Variants in DCLK1 observed in about 807,000 individuals in gnomAD.
The protein encoded by DCLK1 is doublecortin like kinase 1.
DCLK1 carries 16 observed loss-of-function variants against 86.2 expected under a neutral mutation model. The observed-to-expected ratio is 0.19, with a 90% CI of 0.13 to 0.28. DCLK1 has a LOEUF of 0.28. Ranked by LOEUF, DCLK1 falls within the 10% of genes least tolerant of loss-of-function variation. The probability of loss-of-function intolerance (pLI) is 1.00; values close to 1 mark genes in which losing one functional copy is unlikely to be tolerated. For missense variants in DCLK1, 590 were observed against 940.2 expected (o/e 0.63, Z 4.87); for synonymous variants, 369 against 370.5 (o/e 1.00, Z 0.05).
chr13:35,846,545 T>C, intron 6 of DCLK1: 2 of 985,348 alleles, frequency 2.0e-6, no homozygotes, highest in Non-Finnish European at 2.4e-6. Context: ...TTAAAAATTA[T>C]AGTGAGGGCC....
intron 11 of DCLK1, 26 bp downstream of exon 11, chr13:35,822,703 T>C: frequency 1.9e-6 from 3 of 1,613,886 alleles, no homozygotes; most frequent in Non-Finnish European, 2.5e-6. Context: ...GAACTCAGGA[T>C]GCCCTGTAGG....
intron 5 of DCLK1, among the ~76,000 whole-genome samples, chr13:35,867,966 A>AAAGAAAGAAAGAAAGG (rs1483381630): frequency 2.2e-4 from 33 of 146,708 alleles, no homozygotes; most frequent in African/African-American, 6.4e-4. Context: ...AGAAAGAAAG[A>AAAGAAAGAAAGAAAGG]GAAAAAGAAA....
intron 3 of DCLK1, among the ~76,000 whole-genome samples, chr13:36,089,430 G>C (rs1397826324): frequency 6.6e-6 from 1 of 152,082 alleles, no homozygotes; most frequent in African/African-American, 2.4e-5. Context: ...ACATAACCTT[G>C]GTTCCAAGTT....
chr13:35,787,527 C>T (rs1033160425), intron 16 of DCLK1, among the ~76,000 whole-genome samples: 9 of 152,066 alleles, frequency 5.9e-5, no homozygotes, highest in Non-Finnish European at 1.3e-4. Flanking sequence ...AAATCGATAC[C>T]TCCCATAATC....
chr13:35,888,085 CTA>C (rs1480098739), intron 4 of DCLK1, among the ~76,000 whole-genome samples: 2 of 152,056 alleles, frequency 1.3e-5, no homozygotes, highest in Non-Finnish European at 2.9e-5. Flanking sequence ...AAGGATAATT[CTA>C]TGTGTCCTAC....
chr13:36,055,581 G>A (rs944796373), intron 3 of DCLK1, among the ~76,000 whole-genome samples: 4 of 152,168 alleles, frequency 2.6e-5, no homozygotes, highest in Admixed American at 2.0e-4. Flanking sequence ...GGTTCCTGGA[G>A]AACACCACTG....
intron 8 of DCLK1, among the ~76,000 whole-genome samples, chr13:35,835,498 G>T (rs1191673841): frequency 6.6e-6 from 1 of 152,172 alleles, no homozygotes; most frequent in East Asian, 1.9e-4. Flanking sequence ...CCTCCATTAG[G>T]TATCTAGAAC....
At chr13:36,127,146 C>T (rs946555064) in intron 1 of DCLK1, among the ~76,000 whole-genome samples, 12 of 152,176 alleles carry the variant, frequency 7.9e-5, no homozygotes, top group African/African-American at 2.9e-4. Context: ...GCCCCATGGC[C>T]AGATGGAGAG....
chr13:35,956,793 C>T (rs568026464), intron 3 of DCLK1, among the ~76,000 whole-genome samples: 1 of 152,078 alleles, frequency 6.6e-6, no homozygotes, highest in Non-Finnish European at 1.5e-5. Context: ...GCATCAGGCA[C>T]TCTGCTCCCA....
Position 35,866,915 on chromosome 13 carries a change from G to A in DCLK1, c.940+4309C>T, listed in dbSNP as rs549128987. ...AGTTCCAAGAGCTATAGTTGAGTAG[G>A]GACAGGAGACCTGGGCCAGAGCAGT... is the stretch of plus-strand genomic sequence containing the variant. On this transcript the variant is annotated intron_variant, in intron 5 of 16. Transcript: ENST00000360631. Among the ~76,000 whole-genome samples the A allele has an allele frequency of 1.1e-4, 16 of 152,304 alleles. 1 individual carries two copies. The South Asian group carries it at 3.3e-3, about 32-fold the overall frequency.
In DCLK1 at chr13:36,032,277, G is replaced by A. The variant is rs190089104; in HGVS notation, c.723+79592C>T. ...CTGCCTCAGCCTCCCGAGTGGCTGG[G>A]ACTACAGGCACCTGCCACCAGGCCC... On this transcript the variant is annotated intron_variant, in intron 3 of 16. Coordinates refer to ENST00000360631, the MANE Select transcript of DCLK1 (RefSeq NM_001330071.2). 6.0e-3 allele frequency among the ~76,000 whole-genome samples: 920 copies of A among 152,156 alleles called. 11 individuals carry two copies. The highest frequency in any genetic ancestry group is 0.021 in the African/African-American group (888 of 41,502).
intron 3 of DCLK1, among the ~76,000 whole-genome samples, chr13:35,965,777 ACTCT>A (rs150606426): frequency 6.7e-6 from 1 of 149,008 alleles, no homozygotes; most frequent in African/African-American, 2.5e-5. Flanking sequence ...GTATTCTCTC[ACTCT>A]CTCTCTCTCT....
intron 4 of DCLK1, among the ~76,000 whole-genome samples, chr13:35,879,022 G>T (rs948530696): frequency 5.9e-5 from 9 of 152,082 alleles, no homozygotes; most frequent in Non-Finnish European, 7.3e-5. Flanking sequence ...CTGACCTTAG[G>T]TGATCTGCCC....
chr13:35,906,297 G>T (rs1323504345), intron 4 of DCLK1, among the ~76,000 whole-genome samples: 1 of 150,256 alleles, frequency 6.7e-6, no homozygotes, highest in African/African-American at 2.5e-5. Context: ...TCACTTTATG[G>T]TTGGCCAAGT....
intron 2 of DCLK1, among the ~76,000 whole-genome samples, chr13:36,117,258 T>C (rs1234971335): frequency 1.3e-5 from 2 of 152,248 alleles, no homozygotes; most frequent in African/African-American, 4.8e-5. Context: ...TATTATAATT[T>C]ACAAAAATAC....
chr13:35,816,230 G>T (rs2087262822), intron 11 of DCLK1, among the ~76,000 whole-genome samples: 1 of 152,126 alleles, frequency 6.6e-6, no homozygotes, highest in South Asian at 2.1e-4. Context: ...GTCATAGTAG[G>T]AAAATGATCA....
intron 4 of DCLK1, among the ~76,000 whole-genome samples, chr13:35,938,205 TAGGGAAGGGGTAGG>T (rs913447787): frequency 6.6e-6 from 1 of 152,050 alleles, no homozygotes; most frequent in Non-Finnish European, 1.5e-5. Context: ...ACTTTGACCA[TAGGGAAGGGGTAGG>T]AGGGAAGCTC....
At chr13:36,077,577 A>G (rs1316905722) in intron 3 of DCLK1, among the ~76,000 whole-genome samples, 1 of 152,198 alleles carries the variant, frequency 6.6e-6, no homozygotes, top group Non-Finnish European at 1.5e-5. Context: ...AAATATATAT[A>G]TAAAGAAAAT....
chr13:36,058,606 A>C (rs1883422598), intron 3 of DCLK1, among the ~76,000 whole-genome samples: 1 of 152,190 alleles, frequency 6.6e-6, no homozygotes, highest in Non-Finnish European at 1.5e-5. Flanking sequence ...TGCGGCAGCC[A>C]GGAAAGATGT....
Sources: allele counts gnomAD v4.1 joint callset (sites outside exome capture counted in the v4.1 genomes callset), GRCh38; gene constraint gnomAD v4.1.1; transcripts MANE v1.5; gene names NCBI Gene and HGNC (gene_info 2026-07-23, HGNC 2026-07-21).